Variants in SCAPER observed in about 807,000 individuals in gnomAD.
The protein encoded by SCAPER is S phase cyclin A-associated protein in the endoplasmic reticulum.
A neutral mutation model predicts 182.2 loss-of-function variants in SCAPER; 98 were observed. That is an observed-to-expected ratio of 0.54 (90% CI 0.46 to 0.64). The LOEUF is 0.64. SCAPER is among the 30% of genes least tolerant of loss of function. The pLI, the probability that SCAPER is intolerant of heterozygous loss-of-function variation, is 0.00. For missense variants in SCAPER, 1,432 were observed against 1,690.0 expected (o/e 0.85, Z 2.68); for synonymous variants, 605 against 564.6 (o/e 1.07, Z -1.01).
At chr15:76,720,430 T>C (rs551564208) in intron 17 of SCAPER, among the ~76,000 whole-genome samples, 2 of 152,232 alleles carry the variant, frequency 1.3e-5, no homozygotes, top group Non-Finnish European at 2.9e-5. Context: ...TTATAATCCT[T>C]TGGGTATATA....
At chr15:76,782,954 A>C (rs1568123228) in intron 8 of SCAPER, among the ~76,000 whole-genome samples, 1 of 152,228 alleles carries the variant, frequency 6.6e-6, no homozygotes, top group Non-Finnish European at 1.5e-5. Flanking sequence ...TGACACCCTA[A>C]CATCTCAATT....
At chr15:76,815,730 G>A (rs2067022496) in intron 5 of SCAPER, among the ~76,000 whole-genome samples, 1 of 152,136 alleles carries the variant, frequency 6.6e-6, no homozygotes, top group Non-Finnish European at 1.5e-5. Context: ...ACATGTGAAG[G>A]ATCTAGGTTG....
intron 22 of SCAPER, among the ~76,000 whole-genome samples, chr15:76,619,507 G>A (rs1386450353): frequency 6.6e-6 from 1 of 152,102 alleles, no homozygotes; most frequent in East Asian, 1.9e-4. Flanking sequence ...ATTTTTCCAA[G>A]GTAGTTGTAT....
intron 2 of SCAPER, among the ~76,000 whole-genome samples, chr15:76,879,308 G>A (rs991987001): frequency 6.6e-6 from 1 of 151,996 alleles, no homozygotes; most frequent in Non-Finnish European, 1.5e-5. Context: ...AATTTTTGTT[G>A]GGGTCCCTTG....
chr15:76,865,585 A>C (rs1249619534), intron 2 of SCAPER, among the ~76,000 whole-genome samples: 2 of 152,106 alleles, frequency 1.3e-5, no homozygotes, highest in Non-Finnish European at 2.9e-5. Context: ...TTTCATACTG[A>C]TGGGGATGAT....
chr15:76,391,137 C>A (rs1373545533), intron 27 of SCAPER, among the ~76,000 whole-genome samples: 2 of 152,156 alleles, frequency 1.3e-5, no homozygotes, highest in Non-Finnish European at 2.9e-5. Context: ...ATCACTTTCT[C>A]TGTTTCTGGA....
At chr15:76,706,978 A>G (rs1185871824) in intron 17 of SCAPER, among the ~76,000 whole-genome samples, 1 of 152,122 alleles carries the variant, frequency 6.6e-6, no homozygotes, top group Admixed American at 6.6e-5. Context: ...TGTTTCATTT[A>G]TGACATATAT....
chr15:76,874,843 G>C (rs902420600), intron 2 of SCAPER, among the ~76,000 whole-genome samples: 1 of 151,878 alleles, frequency 6.6e-6, no homozygotes, highest in African/African-American at 2.4e-5. Flanking sequence ...ACCACCTCTA[G>C]TCCCAGCTAC....
At chr15:76,417,308 A>G (rs1415862059) in intron 26 of SCAPER, among the ~76,000 whole-genome samples, 1 of 152,208 alleles carries the variant, frequency 6.6e-6, no homozygotes, top group East Asian at 1.9e-4. Context: ...TAATTAGAAA[A>G]AAGAACTTAT....
At chr15:76,689,274 A>G (rs1453025947) in intron 20 of SCAPER, among the ~76,000 whole-genome samples, 1 of 152,170 alleles carries the variant, frequency 6.6e-6, no homozygotes, top group Non-Finnish European at 1.5e-5. Context: ...CATTCAACTG[A>G]GACGGGGTAG....
rs759248206 is a variant in SCAPER at position 76,765,522 on chromosome 15, T to C, written c.1495+41A>G. 7.5e-6 allele frequency: 12 copies of C among 1,606,302 alleles called. No individual in the cohort carries two copies. The South Asian group carries it at 1.3e-4, about 18-fold the overall frequency. On this transcript the variant is annotated intron_variant, in intron 12 of 31. Coordinates refer to ENST00000563290, the MANE Select transcript of SCAPER (RefSeq NM_020843.4). Reference sequence around the variant, plus strand: ...TATAAAACATTTGAGAACAAACTTTTGAACACTGTACTACACACCCAATAT... The same window carrying C: ...TATAAAACATTTGAGAACAAACTTTCGAACACTGTACTACACACCCAATAT...
intron 17 of SCAPER, among the ~76,000 whole-genome samples, chr15:76,726,829 T>C (rs2060626680): frequency 6.6e-6 from 1 of 151,750 alleles, no homozygotes; most frequent in Non-Finnish European, 1.5e-5. Flanking sequence ...CAGAGGCAAG[T>C]GGGGGTATGG....
In SCAPER at chr15:76,848,495, A is replaced by C. The variant is rs144969478; in HGVS notation, c.196-6564T>G. Reference sequence around the variant, plus strand: ...ACTACAGGCACCCGCCACCATACCCAGTTAATTTTTTTGTATTTTTAGTAG... The same window carrying C: ...ACTACAGGCACCCGCCACCATACCCCGTTAATTTTTTTGTATTTTTAGTAG... On this transcript the variant is annotated intron_variant, in intron 4 of 31. Coordinates refer to ENST00000563290, the MANE Select transcript of SCAPER (RefSeq NM_020843.4). Among the ~76,000 whole-genome samples, 1,386 of 150,580 alleles carry C rather than the reference A, an allele frequency of 9.2e-3. 21 individuals are homozygous for C. The highest frequency in any genetic ancestry group is 0.033 in the African/African-American group (1,345 of 40,932).
At chr15:76,469,286 G>A (rs1254818403) in intron 25 of SCAPER, among the ~76,000 whole-genome samples, 1 of 138,934 alleles carries the variant, frequency 7.2e-6, no homozygotes, top group Non-Finnish European at 1.6e-5. Context: ...AATGATAGGA[G>A]AGCATGAAGT....
chr15:76,564,700 CA>C (rs2046896648), intron 23 of SCAPER, among the ~76,000 whole-genome samples: 1 of 151,766 alleles, frequency 6.6e-6, no homozygotes, highest in African/African-American at 2.4e-5. Context: ...AGAAAAGAGC[CA>C]AAATAGCTAA....
intron 23 of SCAPER, among the ~76,000 whole-genome samples, chr15:76,530,818 A>C (rs2043593850): frequency 6.6e-6 from 1 of 152,124 alleles, no homozygotes; most frequent in Non-Finnish European, 1.5e-5. Context: ...AGACAGAGGG[A>C]GGGAAGTACG....
At chr15:76,588,400 A>G (rs181526982) in intron 22 of SCAPER, among the ~76,000 whole-genome samples, 50 of 152,328 alleles carry the variant, frequency 3.3e-4, no homozygotes, top group African/African-American at 1.0e-3. Flanking sequence ...TTTGTCTGAT[A>G]TAAGAATAGC....
At chr15:76,683,366 A>T (rs2057843593) in intron 20 of SCAPER, among the ~76,000 whole-genome samples, 1 of 152,188 alleles carries the variant, frequency 6.6e-6, no homozygotes, top group Non-Finnish European at 1.5e-5. Flanking sequence ...AAAAAAGAAT[A>T]AAGAAAAATG....
intron 20 of SCAPER, among the ~76,000 whole-genome samples, chr15:76,683,044 T>C (rs1449454236): frequency 6.6e-6 from 1 of 152,218 alleles, no homozygotes; most frequent in Non-Finnish European, 1.5e-5. Context: ...GGAATGGTTC[T>C]TAACCAGGCT....
Sources: allele counts gnomAD v4.1 joint callset (sites outside exome capture counted in the v4.1 genomes callset), GRCh38; gene constraint gnomAD v4.1.1; transcripts MANE v1.5; gene names NCBI Gene and HGNC (gene_info 2026-07-23, HGNC 2026-07-21).